Variants in GPR89B observed in about 807,000 individuals in gnomAD.
The protein encoded by GPR89B is G protein-coupled receptor 89B.
Under a neutral mutation model 52.4 loss-of-function variants are expected in GPR89B, and 25 were observed. The ratio of observed to expected loss-of-function variants is 0.48; its 90% CI spans 0.35 to 0.67. GPR89B has a LOEUF of 0.67. GPR89B is among the 30% of genes least tolerant of loss of function. The probability of loss-of-function intolerance (pLI) is 0.01; values close to 1 mark genes in which losing one functional copy is unlikely to be tolerated. For synonymous variants in GPR89B, 52 were observed against 151.2 expected, an observed-to-expected ratio of 0.34 and a Z score of 4.81; for missense variants, 146 against 450.2, an observed-to-expected ratio of 0.32 and a Z score of 6.11.
In GPR89B at chr1:147,971,284, G is replaced by C. The variant is rs1375329141; in HGVS notation, c.909+1325G>C. 2.6e-5 allele frequency among the ~76,000 whole-genome samples: 4 copies of C among 151,246 alleles called. 1 individual carries two copies. The highest frequency in any genetic ancestry group is 9.8e-5 in the African/African-American group (4 of 40,878). On this transcript the variant is annotated intron_variant, in intron 10 of 13. Coordinates refer to ENST00000314163, the MANE Select transcript of GPR89B (RefSeq NM_016334.5). ...CCTGCCTCAGCCTCCCGAGTGGCTG[G>C]GATTACAAGCACGCACCGCCACGCC...
chr1:147,966,172 C>G (rs1657024032), intron 7 of GPR89B, among the ~76,000 whole-genome samples: 1 of 151,926 alleles, frequency 6.6e-6, no homozygotes, highest in Non-Finnish European at 1.5e-5. Flanking sequence ...TTTATTTTGT[C>G]TTTAAATGGT....
At chr1:148,007,368 C>T in the GPR89B span, among the ~76,000 whole-genome samples, 8 of 152,126 alleles carry the variant, frequency 5.3e-5, no homozygotes, top group Admixed American at 2.6e-4. Context: ...AGCCACTGCG[C>T]CCGGCCTGAG....
At chr1:148,000,775 T>TAAAAAAAAAAAAAA in the GPR89B span, among the ~76,000 whole-genome samples, 2 of 72,448 alleles carry the variant, frequency 2.8e-5, no homozygotes, top group African/African-American at 8.8e-5. Context: ...GTGTTAAAAG[T>TAAAAAAAAAAAAAA]AAAAAAAAAA....
chr1:147,965,995 G>A (rs1467808710), intron 7 of GPR89B, among the ~76,000 whole-genome samples: 1 of 151,266 alleles, frequency 6.6e-6, no homozygotes, highest in Non-Finnish European at 1.5e-5. Context: ...TACAGACATG[G>A]GTCACCACGC....
chr1:147,972,487 A>G (rs1440448587), intron 10 of GPR89B, among the ~76,000 whole-genome samples: 1 of 151,296 alleles, frequency 6.6e-6, no homozygotes, highest in Non-Finnish European at 1.5e-5. Context: ...CCAACACTCT[A>G]TATGGCCAGT....
chr1:147,968,126 A>G, intron 8 of GPR89B: 1 of 380,890 alleles, frequency 2.6e-6, no homozygotes. Context: ...GAGCTGTGTT[A>G]GTGATGAGTT....
chr1:147,981,295 C>T (rs1302000038), intron 10 of GPR89B, among the ~76,000 whole-genome samples: 2,225 of 149,772 alleles, frequency 0.015, 91 homozygotes, highest in African/African-American at 0.053. Flanking sequence ...AAGGGAAACC[C>T]CATTCTTTAC....
At position 147,993,166 on chromosome 1, in the gene GPR89B, T is replaced by A. The variant is rs1260337484; in HGVS notation, c.*249T>A. 8 of 994,190 alleles carry A rather than the reference T, an allele frequency of 8.0e-6. 1 individual carries two copies. The Admixed American group carries it at 2.4e-4, about 29-fold the overall frequency. 61.6% of individuals were successfully genotyped at this position (994,190 alleles called of 1,614,324 possible). ...AGAGCATCCCGTGTGGATATGAGGC[T>A]GGTGTAGAGGCGGAGAGGAGCCAAG... On this transcript the variant is annotated 3_prime_UTR_variant, in exon 14 of 14. Transcript: ENST00000314163.
At chr1:148,018,476 G>A in the GPR89B span, among the ~76,000 whole-genome samples, 1 of 149,820 alleles carries the variant, frequency 6.7e-6, no homozygotes, top group Non-Finnish European at 1.5e-5. Flanking sequence ...TATAAACAAA[G>A]CAAAAACACA....
intron 3 of GPR89B, among the ~76,000 whole-genome samples, chr1:147,940,848 T>C (rs587734549): frequency 6.7e-5 from 10 of 150,264 alleles, no homozygotes; most frequent in East Asian, 1.9e-4. Flanking sequence ...TTTTAACTTA[T>C]AGTTAATAAC....
chr1:147,984,201 T>G, intron 10 of GPR89B, among the ~76,000 whole-genome samples: 1 of 133,900 alleles, frequency 7.5e-6, no homozygotes, highest in African/African-American at 2.7e-5. Context: ...GGGGGAGGGA[T>G]AGTTTTAGGA....
intron 12 of GPR89B, among the ~76,000 whole-genome samples, chr1:147,990,435 A>C (rs1365602168): frequency 6.6e-6 from 1 of 152,136 alleles, no homozygotes; most frequent in Non-Finnish European, 1.5e-5. Context: ...TTTGCTGTGC[A>C]GAAGCTCTTT....
chr1:147,982,716 G>A (rs1213076911), intron 10 of GPR89B, among the ~76,000 whole-genome samples: 86 of 136,432 alleles, frequency 6.3e-4, no homozygotes, highest in Non-Finnish European at 1.0e-3. Flanking sequence ...GGATGGCATT[G>A]AATCTATAAA....
At chr1:147,995,570 A>G, downstream of GPR89B, 1 of 1,603,034 alleles carries the variant, frequency 6.2e-7, no homozygotes, top group Non-Finnish European at 8.5e-7. Context: ...AAATTAGATC[A>G]TGAAAAGAAA....
the GPR89B span, among the ~76,000 whole-genome samples, chr1:148,025,317 T>C: frequency 6.6e-6 from 1 of 151,838 alleles, no homozygotes; most frequent in Admixed American, 6.6e-5. Flanking sequence ...TAACAACTTC[T>C]TCCTGGCCCC....
At chr1:147,979,966 T>C (rs2149086947) in intron 10 of GPR89B, among the ~76,000 whole-genome samples, 1 of 151,536 alleles carries the variant, frequency 6.6e-6, no homozygotes, top group Non-Finnish European at 1.5e-5. Flanking sequence ...CATGCCTGTG[T>C]TCCCAGCTAC....
intron 10 of GPR89B, among the ~76,000 whole-genome samples, chr1:147,971,895 C>T (rs1657501232): frequency 1.3e-5 from 2 of 151,560 alleles, no homozygotes; most frequent in South Asian, 2.1e-4. Context: ...ACAACCATCA[C>T]CACGGTCAAG....
intron 5 of GPR89B, 73 bp downstream of exon 5, chr1:147,944,171 A>C (rs1352869632): frequency 3.8e-6 from 6 of 1,564,988 alleles, no homozygotes; most frequent in Non-Finnish European, 5.1e-6. Flanking sequence ...AAAAACAATT[A>C]ATTAAATTTC....
At chr1:148,013,415 C>A in the GPR89B span, among the ~76,000 whole-genome samples, 1 of 152,098 alleles carries the variant, frequency 6.6e-6, no homozygotes, top group Non-Finnish European at 1.5e-5. Flanking sequence ...TCGAGCATTT[C>A]TTCTCTCCCC....
Sources: gnomAD v4.1 joint callset for allele counts (sites outside exome capture counted in the v4.1 genomes callset) on GRCh38, gnomAD v4.1.1 for gene constraint, MANE v1.5 for transcripts, NCBI Gene and HGNC (gene_info 2026-07-23, HGNC 2026-07-21) for gene names.